PCDHGB3: variants seen among roughly 807,000 people sequenced by gnomAD.
PCDHGB3 encodes the protein protocadherin gamma subfamily B, 3.
PCDHGB3 carries 40 observed loss-of-function variants against 59.2 expected under a neutral mutation model. The observed-to-expected ratio is 0.68, with a 90% CI of 0.52 to 0.88. The LOEUF is 0.88. PCDHGB3 is among the 40% of genes least tolerant of loss of function. PCDHGB3 has a pLI of 0.00. For missense variants in PCDHGB3, 1,309 were observed against 1,187.9 expected (o/e 1.10, Z -1.50); for synonymous variants, 581 against 503.6 (o/e 1.15, Z -2.06).
intron 1 of PCDHGB3, among the ~76,000 whole-genome samples, chr5:141,425,555 A>T (rs1282440598): frequency 6.6e-6 from 1 of 152,270 alleles, no homozygotes; most frequent in African/African-American, 2.4e-5. Flanking sequence ...AACCTCTTTT[A>T]TAAGTGATAA....
At chr5:141,510,860 G>A (rs1274817106) in intron 3 of PCDHGB3, 87 bp from the exon 4 acceptor site, 11 of 1,606,558 alleles carry the variant, frequency 6.8e-6, no homozygotes, top group South Asian at 4.4e-5. Context: ...GTGCTGTATA[G>A]GCATTCATTA....
rs559544645 is a variant in PCDHGB3, at chr5:141,405,144, G to C, written c.2415+32335G>C. ...CATCTGCTGCGGGCTACCAGTGATGGGTTGGCTGGTGTGCCCACCTCACAC... is the reference window on the plus strand; with the variant it reads ...CATCTGCTGCGGGCTACCAGTGATGCGTTGGCTGGTGTGCCCACCTCACAC... On this transcript the variant is annotated intron_variant, in intron 1 of 3. Coordinates refer to ENST00000576222, the MANE Select transcript of PCDHGB3 (RefSeq NM_018924.5). 1.1e-4 allele frequency: 184 copies of C among 1,614,070 alleles called. 1 individual carries two copies. The South Asian group carries it at 1.9e-3, about 17-fold the overall frequency.
intron 1 of PCDHGB3, chr5:141,415,483 A>G: frequency 6.2e-7 from 1 of 1,614,212 alleles, no homozygotes; most frequent in South Asian, 1.1e-5. Context: ...CTCGCGAAAG[A>G]GTCACCTGAT....
At chr5:141,376,679 T>G (rs1008866087) in intron 1 of PCDHGB3, 29 of 528,326 alleles carry the variant, frequency 5.5e-5, no homozygotes, top group East Asian at 4.1e-5. Flanking sequence ...GGGTATCGTT[T>G]TTTTTTTTTT....
Position 141,404,829 on chromosome 5 carries a change from T to C in PCDHGB3, c.2415+32020T>C. Reference sequence around the variant, plus strand: ...TCGGTGGGGCTGCACACAGGTGAAGTGCGCACAGCTCGGGCCCTGCTAGAT... The same window carrying C: ...TCGGTGGGGCTGCACACAGGTGAAGCGCGCACAGCTCGGGCCCTGCTAGAT... On this transcript the variant is annotated intron_variant, in intron 1 of 3. Transcript: ENST00000576222. 1.9e-6 allele frequency: 3 copies of C among 1,608,020 alleles called. No individual in the cohort carries two copies. The South Asian group carries it at 3.3e-5, about 18-fold the overall frequency.
intron 1 of PCDHGB3, chr5:141,408,367 G>T: frequency 6.2e-7 from 1 of 1,613,998 alleles, no homozygotes; most frequent in Non-Finnish European, 8.5e-7. Context: ...AGGATCTAGG[G>T]CTCAGTGTCC....
At chr5:141,468,783 G>A (rs908838744) in intron 1 of PCDHGB3, among the ~76,000 whole-genome samples, 7 of 151,460 alleles carry the variant, frequency 4.6e-5, no homozygotes, top group South Asian at 2.1e-4. Context: ...GGAGAATGGC[G>A]TGAACCCGGG....
rs1259098111 is a variant in PCDHGB3 at position 141,489,418 on chromosome 5, T to C, written c.2416-5389T>C. On this transcript the variant is annotated intron_variant, in intron 1 of 3. Coordinates refer to ENST00000576222, the MANE Select transcript of PCDHGB3 (RefSeq NM_018924.5). This position sits in a 1 kb window ranked among gnomAD's most constrained non-coding sequence, Gnocchi z 4.5. ...TCTGGGCTTAAAGATGACAGATCTGTTGAGCCGGCGGCTGCAATTGGGCTC... is the reference window on the plus strand; with the variant it reads ...TCTGGGCTTAAAGATGACAGATCTGCTGAGCCGGCGGCTGCAATTGGGCTC... The C allele has an allele frequency of 1.2e-6, 2 of 1,614,174 alleles. No individual in the cohort carries two copies. The highest frequency in any genetic ancestry group is 8.5e-7 in the Non-Finnish European group (1 of 1,180,032).
intron 1 of PCDHGB3, among the ~76,000 whole-genome samples, chr5:141,382,119 C>T (rs919282723): frequency 2.0e-5 from 3 of 152,112 alleles, no homozygotes; most frequent in Non-Finnish European, 4.4e-5. Flanking sequence ...TGAGCAACAG[C>T]ACCTGGCCCC....
At chr5:141,409,396 C>A in intron 1 of PCDHGB3, 1 of 1,614,004 alleles carries the variant, frequency 6.2e-7, no homozygotes, top group Non-Finnish European at 8.5e-7. Flanking sequence ...ATTCTTCTTC[C>A]AATAACTACT....
Position 141,504,677 on chromosome 5 carries a change from T to C in PCDHGB3, c.2475-716T>C, listed in dbSNP as rs552242248. 4.7e-5 allele frequency among the ~76,000 whole-genome samples: 7 copies of C among 147,580 alleles called. No homozygotes were observed. In the East Asian group the frequency reaches 1.5e-3, roughly 31 times the overall value. ...TTTGAGGGCGGGGGGTGGGGGTTCT[T>C]GTAAAATAGGAGGGGCAGGTTCTTC... On this transcript the variant is annotated intron_variant, in intron 2 of 3. Transcript: ENST00000576222.
At chr5:141,435,730 T>C (rs913229799) in intron 1 of PCDHGB3, among the ~76,000 whole-genome samples, 1 of 152,226 alleles carries the variant, frequency 6.6e-6, no homozygotes, top group African/African-American at 2.4e-5. Context: ...TAAAGTGTAT[T>C]ACTCTTTGAA....
intron 1 of PCDHGB3, chr5:141,385,135 G>A (rs948872903): frequency 6.2e-7 from 1 of 1,614,214 alleles, no homozygotes; most frequent in Admixed American, 1.7e-5. Context: ...CATGGACGGG[G>A]TGCAGGCTTT....
chr5:141,500,139 CT>C (rs2099796692), intron 2 of PCDHGB3, among the ~76,000 whole-genome samples: 2 of 151,768 alleles, frequency 1.3e-5, no homozygotes, highest in East Asian at 3.9e-4. Context: ...TCTTTCTAAA[CT>C]TTTCTTTGTG....
At position 141,489,300 on chromosome 5, in the gene PCDHGB3, C is replaced by T; in HGVS notation, c.2416-5507C>T. 1 of 1,585,700 alleles carries T rather than the reference C, an allele frequency of 6.3e-7. No individual in the cohort carries two copies. The highest frequency in any genetic ancestry group is 1.3e-5 in the African/African-American group (1 of 74,388). On this transcript the variant is annotated intron_variant, in intron 1 of 3. Coordinates refer to ENST00000576222, the MANE Select transcript of PCDHGB3 (RefSeq NM_018924.5). This position sits in a 1 kb window ranked among gnomAD's most constrained non-coding sequence, Gnocchi z 4.5. The stretch of plus-strand genomic sequence containing the variant: ...AATGGCAAGTGCTGTGCATGTTGTC[C>T]TTGTGCTGCTGGGGCTGGGTGTCTG...
At chr5:141,453,552 A>G (rs1005017830) in intron 1 of PCDHGB3, among the ~76,000 whole-genome samples, 2 of 152,188 alleles carry the variant, frequency 1.3e-5, no homozygotes, top group Non-Finnish European at 2.9e-5. Flanking sequence ...CACACTCTGT[A>G]GATAATCGAT....
At chr5:141,460,087 A>T (rs2098981724) in intron 1 of PCDHGB3, among the ~76,000 whole-genome samples, 1 of 152,008 alleles carries the variant, frequency 6.6e-6, no homozygotes, top group African/African-American at 2.4e-5. Flanking sequence ...AAAAAATAAT[A>T]ATTATACATG....
intron 1 of PCDHGB3, chr5:141,394,793 C>T (rs1178290546): frequency 1.1e-5 from 17 of 1,613,654 alleles, no homozygotes; most frequent in African/African-American, 2.7e-5. Flanking sequence ...CTGTCACGCT[C>T]ACCGTAGCCG....
At position 141,431,433 on chromosome 5, in the gene PCDHGB3, C is replaced by T; in HGVS notation, c.2415+58624C>T. ...GGGGGCGACCCGGTGCGCACAGGCA[C>T]CGCGCGCATCCGCGTGATGGTTCTG... On this transcript the variant is annotated intron_variant, in intron 1 of 3. Transcript: ENST00000576222. This position sits in a 1 kb window ranked among gnomAD's most constrained non-coding sequence, Gnocchi z 4.8. 1.9e-6 allele frequency: 3 copies of T among 1,613,716 alleles called. No homozygotes were observed. The highest frequency in any genetic ancestry group is 2.5e-6 in the Non-Finnish European group (3 of 1,180,028).
Sources: gnomAD v4.1 joint callset for allele counts (sites outside exome capture counted in the v4.1 genomes callset) on GRCh38, gnomAD v4.1.1 for gene constraint, Gnocchi (gnomAD v3.1) non-coding constraint, MANE v1.5 for transcripts, NCBI Gene and HGNC (gene_info 2026-07-23, HGNC 2026-07-21) for gene names.